The following DOCK3 variants were observed in gnomAD, a reference collection of about 807,000 sequenced individuals.
DOCK3 encodes the protein dedicator of cytokinesis 3.
Under a neutral mutation model 265.6 loss-of-function variants are expected in DOCK3, and 60 were observed. That is an observed-to-expected ratio of 0.23 (90% CI 0.18 to 0.28). The LOEUF (loss-of-function observed/expected upper bound fraction) is 0.28. DOCK3 is among the 10% of genes least tolerant of loss of function. The probability of loss-of-function intolerance (pLI) is 1.00; values close to 1 mark genes in which losing one functional copy is unlikely to be tolerated. For synonymous variants in DOCK3, 881 were observed against 938.0 expected (o/e 0.94, Z 1.11); for missense variants, 1,981 against 2,594.3 (o/e 0.76, Z 5.14).
intron 4 of DOCK3, among the ~76,000 whole-genome samples, chr3:50,924,810 G>C (rs766130521): frequency 1.3e-5 from 2 of 152,212 alleles, no homozygotes; most frequent in South Asian, 4.1e-4. Flanking sequence ...ATTCTTTTCA[G>C]GATGGCTGGG....
intron 3 of DOCK3, among the ~76,000 whole-genome samples, chr3:50,842,444 A>G (rs1181718498): frequency 6.6e-6 from 1 of 152,208 alleles, no homozygotes; most frequent in Non-Finnish European, 1.5e-5. Flanking sequence ...TGCCAGTAGA[A>G]TCATTCAGTT....
At chr3:51,021,677 T>C (rs1227596705) in intron 5 of DOCK3, among the ~76,000 whole-genome samples, 1 of 151,886 alleles carries the variant, frequency 6.6e-6, no homozygotes. Flanking sequence ...TTTTTTTCTT[T>C]TTGAGACGGA....
intron 12 of DOCK3, among the ~76,000 whole-genome samples, chr3:51,205,060 A>G (rs1345909869): frequency 6.6e-6 from 1 of 152,172 alleles, no homozygotes; most frequent in African/African-American, 2.4e-5. Flanking sequence ...AGATATACCT[A>G]ATGCTGGATG....
intron 9 of DOCK3, among the ~76,000 whole-genome samples, chr3:51,137,878 G>T (rs749980894): frequency 3.3e-5 from 5 of 152,168 alleles, no homozygotes; most frequent in African/African-American, 4.8e-5. Flanking sequence ...TCATATTAAA[G>T]AATTACTCAT....
chr3:51,008,419 GCTCT>G (rs1189014426), intron 5 of DOCK3, among the ~76,000 whole-genome samples: 2 of 152,096 alleles, frequency 1.3e-5, no homozygotes, highest in Non-Finnish European at 2.9e-5. Context: ...TCGTGATTTG[GCTCT>G]CTGTTTGTCT....
At chr3:51,233,814 G>C (rs2108448883) in intron 19 of DOCK3, among the ~76,000 whole-genome samples, 1 of 152,256 alleles carries the variant, frequency 6.6e-6, no homozygotes, top group East Asian at 1.9e-4. Context: ...TTGGTGTAGA[G>C]AAAAGCTACT....
At chr3:51,238,120 T>A (rs866012231) in intron 21 of DOCK3, among the ~76,000 whole-genome samples, 2 of 3,152 alleles carry the variant, frequency 6.3e-4, no homozygotes, top group African/African-American at 2.1e-3. Context: ...TATTTACCAC[T>A]TTTTTTTTTT....
chr3:50,765,164 C>G (rs967132369), intron 1 of DOCK3, among the ~76,000 whole-genome samples: 5 of 144,122 alleles, frequency 3.5e-5, no homozygotes, highest in African/African-American at 1.0e-4. Context: ...TCACTGTAAC[C>G]TCTGCCTCCC....
chr3:51,137,483 C>G (rs1190447683), intron 9 of DOCK3, among the ~76,000 whole-genome samples: 1 of 152,202 alleles, frequency 6.6e-6, no homozygotes, highest in African/African-American at 2.4e-5. Context: ...AGAAACTCGT[C>G]TCTGCCTTAG....
intron 9 of DOCK3, among the ~76,000 whole-genome samples, chr3:51,142,902 T>C (rs1394936370): frequency 6.6e-6 from 1 of 152,204 alleles, no homozygotes; most frequent in East Asian, 1.9e-4. Context: ...TCTTTTTTTT[T>C]TGAGACGGAG....
chr3:50,909,094 G>C (rs1248148313), intron 4 of DOCK3, among the ~76,000 whole-genome samples: 1 of 150,426 alleles, frequency 6.6e-6, no homozygotes, highest in East Asian at 1.9e-4. Context: ...TCTTTATTTT[G>C]AGCCTATGTA....
At chr3:51,138,965 G>C (rs1003191186) in intron 9 of DOCK3, among the ~76,000 whole-genome samples, 1 of 152,068 alleles carries the variant, frequency 6.6e-6, no homozygotes, top group African/African-American at 2.4e-5. Flanking sequence ...CAATAAAAGT[G>C]TATTTTCTTG....
intron 5 of DOCK3, among the ~76,000 whole-genome samples, chr3:50,961,448 C>T (rs900377906): frequency 6.6e-6 from 1 of 152,146 alleles, no homozygotes; most frequent in Non-Finnish European, 1.5e-5. Context: ...GGAAGTCCTT[C>T]ATGATATGGT....
intron 1 of DOCK3, among the ~76,000 whole-genome samples, chr3:50,695,052 G>A (rs976123863): frequency 4.6e-5 from 7 of 152,118 alleles, no homozygotes; most frequent in South Asian, 4.2e-4. Flanking sequence ...CTTTGATAAC[G>A]TCTTTAGATA....
At chr3:50,785,384 A>G (rs1277372656) in intron 2 of DOCK3, among the ~76,000 whole-genome samples, 3 of 152,132 alleles carry the variant, frequency 2.0e-5, no homozygotes, top group Non-Finnish European at 2.9e-5. Flanking sequence ...GTGGGCATCC[A>G]TGTCTTGTTC....
intron 2 of DOCK3, among the ~76,000 whole-genome samples, chr3:50,806,271 CT>C (rs952164107): frequency 3.3e-5 from 5 of 151,996 alleles, no homozygotes; most frequent in Non-Finnish European, 7.4e-5. Flanking sequence ...CAGGGGTGTG[CT>C]TACTGGGTGT....
At chr3:51,149,673 C>A (rs1002986630) in intron 10 of DOCK3, among the ~76,000 whole-genome samples, 2 of 152,230 alleles carry the variant, frequency 1.3e-5, no homozygotes, top group African/African-American at 4.8e-5. Context: ...ACCAGCCTTG[C>A]ATCCCAGGGA....
chr3:50,798,786 A>G (rs368248348), intron 2 of DOCK3, among the ~76,000 whole-genome samples: 2 of 152,198 alleles, frequency 1.3e-5, no homozygotes, highest in South Asian at 2.1e-4. Flanking sequence ...TCTTATTTAT[A>G]AAATCTTTGT....
Position 51,358,008 on chromosome 3 carries a change from C to A in DOCK3, c.4815C>A (p.His1605Gln), listed in dbSNP as rs1237124285. The part of the protein sequence containing the change: ...VGLAVHEKFV[H>Q]PEMRPLHKKL... ...TAGCAGTTCATGAGAAGTTTGTGCA[C>A]CCAGAAATGCGGCCTCTGCATAAGA... is the stretch of plus-strand genomic sequence containing the variant. The change falls in exon 46 of 53, where the codon CAC becomes CAA. Residue 1605 changes from histidine to glutamine, a missense_variant. His to Gln is a conservative substitution (Grantham distance 24). Transcript: ENST00000266037. 1 of 1,613,852 alleles carries A rather than the reference C, an allele frequency of 6.2e-7. No individual in the cohort carries two copies. The highest frequency in any genetic ancestry group is 1.3e-5 in the African/African-American group (1 of 74,900).
Sources: gnomAD v4.1 joint callset for allele counts (sites outside exome capture counted in the v4.1 genomes callset) on GRCh38, gnomAD v4.1.1 for gene constraint, MANE v1.5 for transcripts, NCBI Gene and HGNC (gene_info 2026-07-23, HGNC 2026-07-21) for gene names.